Variants in PRELID2 observed in about 807,000 individuals in gnomAD.
The protein encoded by PRELID2 is PRELI domain-containing protein 2.
A neutral mutation model predicts 28.4 loss-of-function variants in PRELID2; 25 were observed. That is an observed-to-expected ratio of 0.88 (90% CI 0.64 to 1.23). The LOEUF is 1.23. Among genes scored for constraint, PRELID2 ranks in the 50% most tolerant of loss-of-function variants. The probability of loss-of-function intolerance (pLI) is 0.00; values close to 1 mark genes in which losing one functional copy is unlikely to be tolerated. For missense variants in PRELID2, 201 were observed against 214.4 expected, an observed-to-expected ratio of 0.94 and a Z score of 0.39; for synonymous variants, 76 against 71.6, an observed-to-expected ratio of 1.06 and a Z score of -0.31.
chr5:145,491,661 C>T (rs961391692), intron 1 of PRELID2, among the ~76,000 whole-genome samples: 2 of 152,054 alleles, frequency 1.3e-5, no homozygotes, highest in Non-Finnish European at 2.9e-5. Context: ...TTTCTCCTAT[C>T]TAACTGAAAT....
At chr5:145,649,526 T>C (rs1188215863) in intron 1 of PRELID2, among the ~76,000 whole-genome samples, 1 of 152,230 alleles carries the variant, frequency 6.6e-6, no homozygotes, top group Non-Finnish European at 1.5e-5. Flanking sequence ...TTTTAACTTA[T>C]GATGAGGTTA....
chr5:145,241,577 A>T, the PRELID2 span, among the ~76,000 whole-genome samples: 1 of 152,020 alleles, frequency 6.6e-6, no homozygotes, highest in African/African-American at 2.4e-5. Flanking sequence ...ATTTTATTTC[A>T]AAATATGAAG....
At chr5:145,787,916 T>A (rs1752109730) in intron 5 of PRELID2, among the ~76,000 whole-genome samples, 1 of 152,158 alleles carries the variant, frequency 6.6e-6, no homozygotes, top group African/African-American at 2.4e-5. Flanking sequence ...GGTCTTAAAA[T>A]TTCATGGTGA....
intron 1 of PRELID2, among the ~76,000 whole-genome samples, chr5:145,725,034 C>T (rs1162787359): frequency 6.6e-6 from 1 of 152,010 alleles, no homozygotes. Flanking sequence ...TGAACCACCA[C>T]TCCCAGCCAA....
chr5:145,231,017 C>A, the PRELID2 span, among the ~76,000 whole-genome samples: 45 of 152,270 alleles, frequency 3.0e-4, no homozygotes, highest in African/African-American at 9.6e-4. Context: ...TCACCTCAAC[C>A]ATATTCAGTT....
intron 1 of PRELID2, among the ~76,000 whole-genome samples, chr5:145,681,134 G>T (rs1417255270): frequency 1.3e-5 from 2 of 152,140 alleles, no homozygotes; most frequent in Admixed American, 6.6e-5. Flanking sequence ...GGTCAAAAAT[G>T]ATCCTTGAAA....
chr5:145,375,497 C>T, the PRELID2 span, among the ~76,000 whole-genome samples: 1 of 152,086 alleles, frequency 6.6e-6, no homozygotes, highest in Non-Finnish European at 1.5e-5. Flanking sequence ...CACTTTGTCC[C>T]TTGGTGGAGA....
chr5:145,653,089 G>C (rs2149672447), intron 1 of PRELID2, among the ~76,000 whole-genome samples: 1 of 152,160 alleles, frequency 6.6e-6, no homozygotes, highest in African/African-American at 2.4e-5. Context: ...AAAAAAGGCA[G>C]GGGTTGCAAT....
intron 1 of PRELID2, among the ~76,000 whole-genome samples, chr5:145,593,492 T>C (rs1260586000): frequency 6.6e-6 from 1 of 152,170 alleles, no homozygotes; most frequent in Non-Finnish European, 1.5e-5. Flanking sequence ...AGTTAAAACA[T>C]CCAGCAGTTT....
the PRELID2 span, among the ~76,000 whole-genome samples, chr5:145,376,581 G>T: frequency 3.3e-5 from 5 of 152,002 alleles, no homozygotes; most frequent in Non-Finnish European, 5.9e-5. Flanking sequence ...GCTTGTTATT[G>T]GTCTGTTTAG....
intron 1 of PRELID2, among the ~76,000 whole-genome samples, chr5:145,634,939 A>G (rs1190252924): frequency 6.6e-6 from 1 of 152,022 alleles, no homozygotes; most frequent in African/African-American, 2.4e-5. Flanking sequence ...ATCTATCAAC[A>G]CTCTGTAGCA....
At chr5:145,783,687 T>A (rs892159623) in intron 5 of PRELID2, among the ~76,000 whole-genome samples, 1 of 152,216 alleles carries the variant, frequency 6.6e-6, no homozygotes, top group Admixed American at 6.5e-5. Flanking sequence ...AGTTTTTTCA[T>A]GTGGTTCAAG....
chr5:145,508,407 C>A (rs977454468), intron 1 of PRELID2, among the ~76,000 whole-genome samples: 1 of 151,718 alleles, frequency 6.6e-6, no homozygotes, highest in Non-Finnish European at 1.5e-5. Context: ...GAAGGCTGCA[C>A]AAAAAACTAC....
rs571273566 is a variant in PRELID2, at chr5:145,509,456, G to A, written n.71-36141C>T. Among the ~76,000 whole-genome samples the A allele has an allele frequency of 3.3e-5, 5 of 152,262 alleles. No individual in the cohort carries two copies. In the South Asian group the frequency reaches 1.0e-3, roughly 32 times the overall value. ...CATTTTAGAGAGGCAAGGTCACCCA[G>A]GCTGCCCTGCACAACAGCAGAAAAT... On this transcript the variant is annotated intron_variant and non_coding_transcript_variant, in intron 1 of 2. Coordinates refer to the PRELID2 transcript ENST00000510259.
intron 1 of PRELID2, among the ~76,000 whole-genome samples, chr5:145,519,859 C>A (rs577746805): frequency 1.3e-5 from 2 of 152,218 alleles, no homozygotes; most frequent in East Asian, 3.9e-4. Flanking sequence ...AGCCTCTGCC[C>A]TAAAGAATTA....
the PRELID2 span, among the ~76,000 whole-genome samples, chr5:145,246,520 T>A: frequency 2.0e-5 from 3 of 152,114 alleles, no homozygotes. Context: ...AAAGCCTCTC[T>A]GGGGAAAGGC....
Position 145,756,741 on chromosome 5 carries a change from TCA to T in PRELID2, c.*3793_*3794del, listed in dbSNP as rs1581144183. On this transcript the variant is annotated 3_prime_UTR_variant, in exon 7 of 7. Transcript: ENST00000683046. ...ATTGCTAGAACAGCCTCTCAAAACCTCATTCAAATCCTCTCTACTCTTATTCA... is the reference window on the plus strand; with the variant it reads ...ATTGCTAGAACAGCCTCTCAAAACCTTTCAAATCCTCTCTACTCTTATTCA... Among the ~76,000 whole-genome samples the T allele has an allele frequency of 6.6e-6, 1 of 152,164 alleles. No homozygotes were observed. The highest frequency in any genetic ancestry group is 1.9e-4 in the East Asian group (1 of 5,198).
At chr5:145,739,428 C>A (rs1321588518) in intron 1 of PRELID2, among the ~76,000 whole-genome samples, 1 of 152,066 alleles carries the variant, frequency 6.6e-6, no homozygotes, top group Non-Finnish European at 1.5e-5. Flanking sequence ...GCGCTTGAAC[C>A]TGGGAGGTGG....
chr5:145,459,172 T>A, the PRELID2 span, among the ~76,000 whole-genome samples: 1 of 152,164 alleles, frequency 6.6e-6, no homozygotes, highest in African/African-American at 2.4e-5. Flanking sequence ...TGAATGAATA[T>A]CTAAAATATC....
Sources: allele counts gnomAD v4.1 joint callset (sites outside exome capture counted in the v4.1 genomes callset), GRCh38; gene constraint gnomAD v4.1.1; transcripts MANE v1.5; gene names NCBI Gene and HGNC (gene_info 2026-07-23, HGNC 2026-07-21).